Variants in HUNK observed in about 807,000 individuals in gnomAD.
HUNK encodes the protein hormonally up-regulated Neu-associated kinase.
Under a neutral mutation model 61.0 loss-of-function variants are expected in HUNK, and 21 were observed. The ratio of observed to expected loss-of-function variants is 0.34; its 90% CI spans 0.24 to 0.50. HUNK has a LOEUF of 0.50. Ranked by LOEUF, HUNK falls within the 20% of genes least tolerant of loss-of-function variation. HUNK has a pLI of 0.98. For missense variants in HUNK, 772 were observed against 945.7 expected, an observed-to-expected ratio of 0.82 and a Z score of 2.41; for synonymous variants, 371 against 386.1, an observed-to-expected ratio of 0.96 and a Z score of 0.46.
chr21:31,999,811 T>G lies in HUNK; in HGVS notation c.*627T>G, dbSNP rs762627558. 21 of 182,098 alleles carry G rather than the reference T, an allele frequency of 1.2e-4. No homozygotes were observed. The highest frequency in any genetic ancestry group is 2.4e-4 in the Non-Finnish European group (21 of 88,436). 11.3% of individuals were successfully genotyped at this position (182,098 alleles called of 1,614,324 possible). ...GGAGACACTCATTTCCCAAGCAAGA[T>G]TTTGATAGATTTTTGTTGTTGTTGT... is the stretch of plus-strand genomic sequence containing the variant. On this transcript the variant is annotated 3_prime_UTR_variant, in exon 11 of 11. Transcript: ENST00000270112.
intron 4 of HUNK, among the ~76,000 whole-genome samples, chr21:31,952,864 G>A (rs976279387): frequency 8.6e-5 from 13 of 151,854 alleles, no homozygotes; most frequent in Non-Finnish European, 1.6e-4. Context: ...GGTCGTATTT[G>A]ATTGTTGCCC....
intron 1 of HUNK, among the ~76,000 whole-genome samples, chr21:31,893,734 A>T (rs2123794767): frequency 6.6e-6 from 1 of 152,300 alleles, no homozygotes; most frequent in South Asian, 2.1e-4. Context: ...GTATGGTTTG[A>T]GAAAGTTTGT....
intron 3 of HUNK, among the ~76,000 whole-genome samples, chr21:31,941,083 C>T (rs1260001244): frequency 3.9e-5 from 6 of 152,144 alleles, no homozygotes; most frequent in Non-Finnish European, 8.8e-5. Flanking sequence ...ATTAAAATGA[C>T]TTATTAGATA....
Position 32,002,044 on chromosome 21 carries a change from A to G in HUNK, c.*2860A>G, listed in dbSNP as rs368441119. ...TTTGCTGATAAATCTTAAAACAACT[A>G]AGTACGTTGCAAATAATAGTACAGG... is the stretch of plus-strand genomic sequence containing the variant. On this transcript the variant is annotated 3_prime_UTR_variant, in exon 11 of 11. Transcript: ENST00000270112. 1.3e-5 allele frequency: 2 copies of G among 152,654 alleles called. No homozygotes were observed. The highest frequency in any genetic ancestry group is 3.8e-4 in the East Asian group (2 of 5,208). 9.5% of individuals were successfully genotyped at this position (152,654 alleles called of 1,614,324 possible). A position where few individuals can be genotyped will look rare whatever the true frequency, so the allele number is the denominator to read the frequency against.
In HUNK at chr21:31,876,992, G is replaced by A. The variant is rs1014027443; in HGVS notation, c.261+3057G>A. Among the ~76,000 whole-genome samples the A allele has an allele frequency of 2.6e-5, 4 of 152,084 alleles. No individual in the cohort carries two copies. In the East Asian group the frequency reaches 7.7e-4, roughly 29 times the overall value. On this transcript the variant is annotated intron_variant, in intron 1 of 10. Transcript: ENST00000270112. ...CATTCCACATTAGGAGGGGAATGAA[G>A]TCATTAATACTGTAGTGAGAAGTAC...
intron 5 of HUNK, among the ~76,000 whole-genome samples, chr21:31,962,314 A>T (rs2052934675): frequency 6.6e-6 from 1 of 152,376 alleles, no homozygotes; most frequent in East Asian, 1.9e-4. Context: ...AAGCGCAGGT[A>T]GGTTAGTAAC....
chr21:31,960,746 G>C (rs916788114), intron 5 of HUNK, among the ~76,000 whole-genome samples: 1 of 152,130 alleles, frequency 6.6e-6, no homozygotes. Flanking sequence ...AGCATGAACT[G>C]CCTCCATGAT....
chr21:31,899,283 G>T (rs73191258), intron 1 of HUNK, among the ~76,000 whole-genome samples: 1,769 of 152,246 alleles, frequency 0.012, 9 homozygotes, highest in Middle Eastern at 0.027. Context: ...TGAAATCAAG[G>T]CGTTGGCAGA....
chr21:31,909,381 A>G (rs1913564846), intron 1 of HUNK, among the ~76,000 whole-genome samples: 1 of 152,048 alleles, frequency 6.6e-6, no homozygotes, highest in South Asian at 2.1e-4. Context: ...TCCCCGGGAA[A>G]GTGGCTTGAG....
rs1329737768 is a variant in HUNK, at chr21:31,946,181, C to G, written c.746+10C>G. 6.2e-7 allele frequency: 1 copy of G among 1,605,254 alleles called. No homozygotes were observed. On this transcript the variant is annotated intron_variant, in intron 4 of 10. Transcript: ENST00000270112. ...TCGATGTCTGGTCCATGTGAGTTATCAAGCTTCTGAAAGTCAGTGTTCCTC... is the reference window on the plus strand; with the variant it reads ...TCGATGTCTGGTCCATGTGAGTTATGAAGCTTCTGAAAGTCAGTGTTCCTC...
At chr21:31,968,712 CCGAG>C (rs796628396) in intron 6 of HUNK, among the ~76,000 whole-genome samples, 32,825 of 135,102 alleles carry the variant, frequency 0.24, 4,018 homozygotes, top group South Asian at 0.42. Flanking sequence ...TAGCTGTGGC[CCGAG>C]TGTGTGTGTG....
chr21:31,912,031 G>T (rs2052549484), intron 1 of HUNK, among the ~76,000 whole-genome samples: 1 of 152,138 alleles, frequency 6.6e-6, no homozygotes, highest in South Asian at 2.1e-4. Context: ...TCTAGCATTG[G>T]CATTTGGCGT....
At chr21:31,905,305 G>A (rs917169546) in intron 1 of HUNK, among the ~76,000 whole-genome samples, 2 of 152,160 alleles carry the variant, frequency 1.3e-5, no homozygotes, top group Non-Finnish European at 2.9e-5. Context: ...GGCTCCAGAC[G>A]TAACCAGTCC....
chr21:31,921,648 A>G (rs1336761332), intron 1 of HUNK, among the ~76,000 whole-genome samples: 1 of 152,134 alleles, frequency 6.6e-6, no homozygotes. Context: ...AGACCCACTG[A>G]TTTGGAGGCA....
chr21:32,003,859 A>G lies in HUNK; in HGVS notation c.*4675A>G, dbSNP rs1407256500. On this transcript the variant is annotated 3_prime_UTR_variant, in exon 11 of 11. Coordinates refer to ENST00000270112, the MANE Select transcript of HUNK (RefSeq NM_014586.2). ...AAGAGAAGGTGAGGAGCATTTCAGG[A>G]TTTGCAGTCCCCCTCCACATGTATC... The G allele has an allele frequency of 6.6e-6, 1 of 152,210 alleles. No homozygotes were observed. The highest frequency in any genetic ancestry group is 1.5e-5 in the Non-Finnish European group (1 of 68,076). 9.4% of individuals were successfully genotyped at this position (152,210 alleles called of 1,614,324 possible).
intron 1 of HUNK, among the ~76,000 whole-genome samples, chr21:31,923,802 G>A (rs578107968): frequency 3.9e-5 from 6 of 152,264 alleles, no homozygotes; most frequent in Admixed American, 1.3e-4. Flanking sequence ...AGCTTCCTGA[G>A]GGTAGTAGAA....
intron 6 of HUNK, among the ~76,000 whole-genome samples, chr21:31,972,670 T>G (rs995583916): frequency 2.0e-5 from 3 of 152,198 alleles, no homozygotes; most frequent in Non-Finnish European, 2.9e-5. Context: ...GTTATTTTAA[T>G]AAACAAACTT....
intron 2 of HUNK, among the ~76,000 whole-genome samples, chr21:31,926,968 T>G (rs1471804842): frequency 6.6e-6 from 1 of 151,552 alleles, no homozygotes; most frequent in East Asian, 1.9e-4. Context: ...CTTTCTTTCC[T>G]TTTTCTTTCT....
chr21:31,927,640 C>A (rs2052670147), intron 2 of HUNK, among the ~76,000 whole-genome samples: 1 of 149,772 alleles, frequency 6.7e-6, no homozygotes, highest in Admixed American at 6.7e-5. Context: ...CGAGACTTGT[C>A]TGGAAAAAAA....
Sources: allele counts gnomAD v4.1 joint callset (sites outside exome capture counted in the v4.1 genomes callset), GRCh38; gene constraint gnomAD v4.1.1; transcripts MANE v1.5; gene names NCBI Gene and HGNC (gene_info 2026-07-23, HGNC 2026-07-21).